The following PCDHGB3 variants were observed in gnomAD, a reference collection of about 807,000 sequenced individuals.
The protein encoded by PCDHGB3 is protocadherin gamma subfamily B, 3.
A neutral mutation model predicts 59.2 loss-of-function variants in PCDHGB3; 40 were observed. The ratio of observed to expected loss-of-function variants is 0.68; its 90% CI spans 0.52 to 0.88. PCDHGB3 has a LOEUF of 0.88. PCDHGB3 is among the 40% of genes least tolerant of loss of function. The pLI is 0.00. For synonymous variants in PCDHGB3, 581 were observed against 503.6 expected, an observed-to-expected ratio of 1.15 and a Z score of -2.06; for missense variants, 1,309 against 1,187.9, an observed-to-expected ratio of 1.10 and a Z score of -1.50.
intron 1 of PCDHGB3, chr5:141,408,066 G>T: frequency 7.3e-7 from 1 of 1,364,656 alleles, no homozygotes; most frequent in Non-Finnish European, 9.7e-7. Flanking sequence ...CGGCTGCGCA[G>T]ACCTTTCCCA....
intron 1 of PCDHGB3, chr5:141,390,341 A>G (rs766269615): frequency 6.3e-7 from 1 of 1,587,420 alleles, no homozygotes; most frequent in Non-Finnish European, 8.6e-7. Flanking sequence ...CATATTCACA[A>G]GAAAATATAC....
chr5:141,393,186 G>C, intron 1 of PCDHGB3: 2 of 1,613,306 alleles, frequency 1.2e-6, no homozygotes, highest in East Asian at 4.5e-5. Context: ...AGAAATAATT[G>C]ATATTAACGA....
At chr5:141,399,376 AC>A (rs1398817003) in intron 1 of PCDHGB3, 1 of 1,613,956 alleles carries the variant, frequency 6.2e-7, no homozygotes, top group Non-Finnish European at 8.5e-7. Flanking sequence ...GTACAATGTC[AC>A]CATCACAGCC....
At chr5:141,422,959 C>G in intron 1 of PCDHGB3, 1 of 1,614,234 alleles carries the variant, frequency 6.2e-7, no homozygotes, top group Non-Finnish European at 8.5e-7. Flanking sequence ...TGGCGTGGAG[C>G]TGGCGCCCCG....
intron 1 of PCDHGB3, chr5:141,428,257 G>A: frequency 1.2e-6 from 1 of 865,864 alleles, no homozygotes; most frequent in Non-Finnish European, 1.9e-6. Context: ...AGACTTCAGT[G>A]ACAGTCCTGT....
chr5:141,393,249 G>C, intron 1 of PCDHGB3: 7 of 1,613,786 alleles, frequency 4.3e-6, no homozygotes, highest in Non-Finnish European at 5.9e-6. Context: ...TAACGAAATC[G>C]CGGTTCCTGG....
At chr5:141,422,781 A>C (rs746943605) in intron 1 of PCDHGB3, 13 of 1,613,964 alleles carry the variant, frequency 8.1e-6, no homozygotes, top group African/African-American at 1.3e-5. Flanking sequence ...TCTATGCCCT[A>C]CAATCCTTCG....
At chr5:141,434,533 C>T (rs6862159) in intron 1 of PCDHGB3, among the ~76,000 whole-genome samples, 18,539 of 152,264 alleles carry the variant, frequency 0.12, 1,259 homozygotes, top group Non-Finnish European at 0.16. Flanking sequence ...AAACCACAAA[C>T]AATAGCATGA....
intron 1 of PCDHGB3, among the ~76,000 whole-genome samples, chr5:141,494,463 C>G (rs1178793763): frequency 6.6e-6 from 1 of 152,154 alleles, no homozygotes; most frequent in Non-Finnish European, 1.5e-5. Context: ...TTGTCTGCAC[C>G]TCTTCCCCCA....
intron 1 of PCDHGB3, among the ~76,000 whole-genome samples, chr5:141,494,199 G>A (rs1033914239): frequency 1.3e-5 from 2 of 152,160 alleles, no homozygotes; most frequent in South Asian, 2.1e-4. Context: ...TGGATGCCCC[G>A]CAAAGGCCCA....
chr5:141,395,310 A>G (rs752171326), intron 1 of PCDHGB3: 7 of 1,502,410 alleles, frequency 4.7e-6, no homozygotes. Context: ...TTTGAAAAAC[A>G]TTGTGAAGAT....
intron 1 of PCDHGB3, among the ~76,000 whole-genome samples, chr5:141,380,802 T>C (rs1776746309): frequency 6.6e-6 from 1 of 152,118 alleles, no homozygotes; most frequent in African/African-American, 2.4e-5. Context: ...AAGAAACAAA[T>C]GTGAGATGAA....
chr5:141,497,649 C>T (rs973501351), intron 2 of PCDHGB3, among the ~76,000 whole-genome samples: 1 of 151,784 alleles, frequency 6.6e-6, no homozygotes, highest in Non-Finnish European at 1.5e-5. Context: ...AAGCGATTCT[C>T]CTGCCTCAGC....
chr5:141,492,332 G>A (rs2099739439), intron 1 of PCDHGB3, among the ~76,000 whole-genome samples: 1 of 152,204 alleles, frequency 6.6e-6, no homozygotes. Flanking sequence ...GGGCTTACGC[G>A]AATACCAGCT....
At chr5:141,452,966 G>T (rs996204633) in intron 1 of PCDHGB3, among the ~76,000 whole-genome samples, 6 of 152,098 alleles carry the variant, frequency 3.9e-5, no homozygotes, top group Admixed American at 1.3e-4. Context: ...TAAACTGAGG[G>T]TATATTGTCA....
In PCDHGB3 at chr5:141,475,307, T is replaced by C. The variant is rs527879991; in HGVS notation, c.2416-19500T>C. The stretch of plus-strand genomic sequence containing the variant: ...GGTAGGGAAATTTCTTATTGCTCCC[T>C]GGTTCTTAAGAAATGAGAGCTAACA... On this transcript the variant is annotated intron_variant, in intron 1 of 3. Transcript: ENST00000576222. 2.8e-4 allele frequency among the ~76,000 whole-genome samples: 43 copies of C among 152,348 alleles called. 1 individual carries two copies. Among genetic ancestry groups the C allele is most frequent in the Admixed American group, 8.5e-4 (13 of 15,298 alleles).
chr5:141,412,170 A>G (rs1015665615), intron 1 of PCDHGB3: 2 of 152,230 alleles, frequency 1.3e-5, no homozygotes, highest in Non-Finnish European at 1.5e-5. Context: ...GATTATTTAT[A>G]CTGGTATTAA....
At chr5:141,394,536 G>T in intron 1 of PCDHGB3, 2 of 1,614,188 alleles carry the variant, frequency 1.2e-6, no homozygotes, top group Non-Finnish European at 1.7e-6. Flanking sequence ...TTCCACTGGC[G>T]TGGAGCTGGC....
intron 1 of PCDHGB3, chr5:141,384,518 C>A: frequency 1.2e-6 from 2 of 1,614,192 alleles, no homozygotes; most frequent in South Asian, 2.2e-5. Context: ...AGCGGGGACC[C>A]GCCTCTCAGC....
Sources: gnomAD v4.1 joint callset for allele counts (sites outside exome capture counted in the v4.1 genomes callset) on GRCh38, gnomAD v4.1.1 for gene constraint, MANE v1.5 for transcripts, NCBI Gene and HGNC (gene_info 2026-07-23, HGNC 2026-07-21) for gene names.